The following ARHGAP15 variants were observed in gnomAD, a reference collection of about 807,000 sequenced individuals.
ARHGAP15 encodes Rho GTPase activating protein 15.
Under a neutral mutation model 63.7 loss-of-function variants are expected in ARHGAP15, and 51 were observed. The observed-to-expected ratio is 0.80, with a 90% CI of 0.64 to 1.01. ARHGAP15 has a LOEUF of 1.01. Ranked by LOEUF, ARHGAP15 falls within the 50% of genes least tolerant of loss-of-function variation. The pLI, the probability that ARHGAP15 is intolerant of heterozygous loss-of-function variation, is 0.00. For synonymous variants in ARHGAP15, 191 were observed against 193.8 expected (o/e 0.99, Z 0.12); for missense variants, 560 against 564.6 (o/e 0.99, Z 0.08).
chr2:143,531,127 C>CGTGCTTGTGTGTGCGT (rs58887426), intron 10 of ARHGAP15, among the ~76,000 whole-genome samples: 8 of 151,762 alleles, frequency 5.3e-5, no homozygotes, highest in African/African-American at 1.7e-4. Flanking sequence ...TGTGTGTGCG[C>CGTGCTTGTGTGTGCGT]GCATGTGTGT....
intron 1 of ARHGAP15, among the ~76,000 whole-genome samples, chr2:143,152,532 A>G (rs1400136318): frequency 3.9e-5 from 6 of 151,994 alleles, no homozygotes; most frequent in Non-Finnish European, 7.4e-5. Flanking sequence ...GGGGCACTTG[A>G]TAAAGATTAT....
chr2:143,352,921 T>C (rs115834536), intron 6 of ARHGAP15, among the ~76,000 whole-genome samples: 18 of 152,312 alleles, frequency 1.2e-4, no homozygotes, highest in African/African-American at 4.1e-4. Context: ...CTTTGAAAGT[T>C]CCATTGCATC....
At chr2:143,187,695 A>G (rs1691504376) in intron 2 of ARHGAP15, among the ~76,000 whole-genome samples, 1 of 152,204 alleles carries the variant, frequency 6.6e-6, no homozygotes, top group Admixed American at 6.5e-5. Flanking sequence ...TGCGAAAATT[A>G]TTCTCTGCTG....
In ARHGAP15 at chr2:143,686,383, C is replaced by CAAAAAAAAAAAAAAAAAAAAAAAAAAAA. The variant is rs35554349; in HGVS notation, c.1139-17030_1139-17003dup. Among the ~76,000 whole-genome samples the CAAAAAAAAAAAAAAAAAAAAAAAAAAAA allele has an allele frequency of 3.6e-5, 2 of 55,050 alleles. 1 individual carries two copies. The highest frequency in any genetic ancestry group is 1.7e-4 in the African/African-American group (2 of 12,054). 36.1% of individuals were successfully genotyped at this position (55,050 alleles called of 152,430 possible). A position where few individuals can be genotyped will look rare whatever the true frequency, so the allele number is the denominator to read the frequency against. ...TGGGTGACAGAGCGAGACTCTGTCTCAAAAAAAAAAAAAAAAAAAAAAAAA... is the reference window on the plus strand; with the variant it reads ...TGGGTGACAGAGCGAGACTCTGTCTCAAAAAAAAAAAAAAAAAAAAAAAAAAAAAAAAAAAAAAAAAAAAAAAAAAAAA... On this transcript the variant is annotated intron_variant, in intron 12 of 13. Transcript: ENST00000295095.
rs139932873 is a variant in ARHGAP15, at chr2:143,254,359, T to C, written c.474+3759T>C. Among the ~76,000 whole-genome samples the C allele has an allele frequency of 3.9e-3, 587 of 152,054 alleles. 2 individuals are homozygous for C. The highest frequency in any genetic ancestry group is 0.014 in the African/African-American group (567 of 41,490). On this transcript the variant is annotated intron_variant, in intron 6 of 13. Coordinates refer to ENST00000295095, the MANE Select transcript of ARHGAP15 (RefSeq NM_018460.4). Reference sequence around the variant, plus strand: ...GGGCATGTTAGGCAGTTACAGTCTTTCAATAAGAAGTTCAACTGAGAAAAT... The same window carrying C: ...GGGCATGTTAGGCAGTTACAGTCTTCCAATAAGAAGTTCAACTGAGAAAAT...
intron 6 of ARHGAP15, among the ~76,000 whole-genome samples, chr2:143,329,816 TAG>T (rs1684426883): frequency 6.6e-6 from 1 of 151,350 alleles, no homozygotes; most frequent in Admixed American, 6.6e-5. Context: ...ATCACTAACT[TAG>T]AGTTTTAATT....
intron 5 of ARHGAP15, among the ~76,000 whole-genome samples, chr2:143,239,245 C>T (rs965428667): frequency 9.2e-5 from 14 of 152,140 alleles, no homozygotes; most frequent in African/African-American, 3.4e-4. Context: ...TGCATGTATA[C>T]ATTGTGGAAT....
At chr2:143,559,305 G>A (rs957268674) in intron 11 of ARHGAP15, among the ~76,000 whole-genome samples, 23 of 152,144 alleles carry the variant, frequency 1.5e-4, no homozygotes, top group Non-Finnish European at 2.2e-4. Context: ...TGTCCATCTC[G>A]TCTTTTGCAA....
chr2:143,341,654 A>C (rs1180421055), intron 6 of ARHGAP15, among the ~76,000 whole-genome samples: 1 of 152,026 alleles, frequency 6.6e-6, no homozygotes. Flanking sequence ...TCCCCTACTC[A>C]TGTAAGTTCC....
chr2:143,139,661 G>T (rs992944764), intron 1 of ARHGAP15, among the ~76,000 whole-genome samples: 1 of 152,098 alleles, frequency 6.6e-6, no homozygotes, highest in Non-Finnish European at 1.5e-5. Context: ...AGACTTCGTA[G>T]AAAAAGGCAG....
At chr2:143,360,501 A>G (rs1471037019) in intron 6 of ARHGAP15, among the ~76,000 whole-genome samples, 3 of 144,298 alleles carry the variant, frequency 2.1e-5, no homozygotes, top group Admixed American at 1.3e-4. Context: ...TATAAATTTT[A>G]GCAAAAAAAA....
chr2:143,451,828 A>G (rs1330746948), intron 8 of ARHGAP15, among the ~76,000 whole-genome samples: 1 of 151,966 alleles, frequency 6.6e-6, no homozygotes, highest in Non-Finnish European at 1.5e-5. Context: ...AGCCACCCAC[A>G]GTCTTGTTCC....
At chr2:143,277,382 A>T (rs956422329) in intron 6 of ARHGAP15, among the ~76,000 whole-genome samples, 5 of 151,896 alleles carry the variant, frequency 3.3e-5, no homozygotes, top group African/African-American at 1.2e-4. Flanking sequence ...AGGGACTCAT[A>T]TCAGGATCCA....
chr2:143,335,457 T>G (rs1010785977), intron 6 of ARHGAP15, among the ~76,000 whole-genome samples: 1 of 146,288 alleles, frequency 6.8e-6, no homozygotes, highest in Non-Finnish European at 1.5e-5. Flanking sequence ...TGGGTAGTAG[T>G]CCCCCTTCTT....
intron 11 of ARHGAP15, among the ~76,000 whole-genome samples, chr2:143,622,691 C>A (rs1352807692): frequency 6.8e-6 from 1 of 146,698 alleles, no homozygotes; most frequent in African/African-American, 2.5e-5. Context: ...CTGAAATAAA[C>A]AGATTCACCT....
Position 143,429,021 on chromosome 2 carries a change from C to A in ARHGAP15, c.475-6580C>A, listed in dbSNP as rs1358488390. On this transcript the variant is annotated intron_variant, in intron 6 of 13. Transcript: ENST00000295095. ...AGTCTAAGTTGATATCTTTATACAC[C>A]AACTGCTTTGATTAGTCTCTTTTTG... is the stretch of plus-strand genomic sequence containing the variant. Among the ~76,000 whole-genome samples the A allele has an allele frequency of 2.0e-5, 3 of 152,072 alleles. No homozygotes were observed. In the East Asian group the frequency reaches 5.8e-4, roughly 29 times the overall value.
Position 143,535,816 on chromosome 2 carries a change from G to A in ARHGAP15, c.925+16452G>A, listed in dbSNP as rs369370882. Among the ~76,000 whole-genome samples the A allele has an allele frequency of 1.1e-3, 168 of 152,222 alleles. 1 individual carries two copies. The highest frequency in any genetic ancestry group is 3.9e-3 in the African/African-American group (162 of 41,540). ...ACATTTCATACAAGAGAAAACATGAGATACATTTATAATTGATATCTTGCC... is the reference window on the plus strand; with the variant it reads ...ACATTTCATACAAGAGAAAACATGAAATACATTTATAATTGATATCTTGCC... On this transcript the variant is annotated intron_variant, in intron 10 of 13. Coordinates refer to ENST00000295095, the MANE Select transcript of ARHGAP15 (RefSeq NM_018460.4).
chr2:143,381,407 A>C (rs1381850256), intron 6 of ARHGAP15, among the ~76,000 whole-genome samples: 1 of 152,146 alleles, frequency 6.6e-6, no homozygotes, highest in Admixed American at 6.6e-5. Flanking sequence ...CTGCTTTTGC[A>C]GTTGGCACTG....
At chr2:143,377,135 T>C (rs1332430323) in intron 6 of ARHGAP15, among the ~76,000 whole-genome samples, 1 of 152,030 alleles carries the variant, frequency 6.6e-6, no homozygotes, top group Admixed American at 6.6e-5. Context: ...TAATAAAATG[T>C]ATCTTAAAAC....
Sources: allele counts gnomAD v4.1 joint callset (sites outside exome capture counted in the v4.1 genomes callset), GRCh38; gene constraint gnomAD v4.1.1; transcripts MANE v1.5; gene names NCBI Gene and HGNC (gene_info 2026-07-23, HGNC 2026-07-21).